The following NXPH1 variants were observed in gnomAD, a reference collection of about 807,000 sequenced individuals.
NXPH1 encodes neurexophilin-1.
A neutral mutation model predicts 23.7 loss-of-function variants in NXPH1; 5 were observed. The ratio of observed to expected loss-of-function variants is 0.21; its 90% CI spans 0.11 to 0.44. The LOEUF (loss-of-function observed/expected upper bound fraction) is 0.44, where lower values mean the gene tolerates loss of function less well. Among genes scored for constraint, NXPH1 ranks in the 20% least tolerant of loss-of-function variants. The probability of loss-of-function intolerance (pLI) is 0.99; values close to 1 mark genes in which losing one functional copy is unlikely to be tolerated. For missense variants in NXPH1, 324 were observed against 321.6 expected (o/e 1.01, Z -0.06); for synonymous variants, 144 against 122.2 (o/e 1.18, Z -1.18).
At chr7:8,711,334 A>G (rs1414168244) in intron 2 of NXPH1, among the ~76,000 whole-genome samples, 1 of 152,230 alleles carries the variant, frequency 6.6e-6, no homozygotes, top group East Asian at 1.9e-4. Context: ...TGGGTTAGAC[A>G]TATTTATTTT....
At chr7:8,700,422 T>C (rs1338095529) in intron 2 of NXPH1, among the ~76,000 whole-genome samples, 2 of 152,150 alleles carry the variant, frequency 1.3e-5, no homozygotes, top group Admixed American at 1.3e-4. Flanking sequence ...ATTTGCTTCT[T>C]AGACAGTTCC....
intron 2 of NXPH1, among the ~76,000 whole-genome samples, chr7:8,569,426 T>A (rs1818607246): frequency 6.6e-6 from 1 of 151,948 alleles, no homozygotes; most frequent in Admixed American, 6.6e-5. Flanking sequence ...TTTAGAGGTA[T>A]TAATTTTGTT....
intron 2 of NXPH1, among the ~76,000 whole-genome samples, chr7:8,466,705 A>G (rs1346571608): frequency 6.6e-6 from 1 of 152,174 alleles, no homozygotes; most frequent in Non-Finnish European, 1.5e-5. Context: ...TAAAAAAGTA[A>G]ATGATCTAAA....
At chr7:8,690,367 A>C (rs1036547742) in intron 2 of NXPH1, 2 of 152,228 alleles carry the variant, frequency 1.3e-5, no homozygotes, top group African/African-American at 4.8e-5. Flanking sequence ...ATTTTTCTCT[A>C]GCCATGGTCT....
chr7:8,633,694 A>G (rs1820170619), intron 2 of NXPH1, among the ~76,000 whole-genome samples: 2 of 152,182 alleles, frequency 1.3e-5, no homozygotes. Flanking sequence ...GAAGACCTGA[A>G]AAAAGAATTC....
intron 2 of NXPH1, among the ~76,000 whole-genome samples, chr7:8,449,865 G>GT (rs1816474449): frequency 6.6e-6 from 1 of 152,214 alleles, no homozygotes; most frequent in South Asian, 2.1e-4. Flanking sequence ...ATTAGATGCA[G>GT]TTTTTATTCT....
intron 2 of NXPH1, among the ~76,000 whole-genome samples, chr7:8,632,769 G>A (rs924980099): frequency 6.6e-6 from 1 of 151,682 alleles, no homozygotes; most frequent in Non-Finnish European, 1.5e-5. Context: ...GTAAAGTAGG[G>A]CTTCTAAGGC....
intron 2 of NXPH1, among the ~76,000 whole-genome samples, chr7:8,710,260 C>T (rs1389810958): frequency 6.6e-6 from 1 of 152,208 alleles, no homozygotes; most frequent in Non-Finnish European, 1.5e-5. Flanking sequence ...CCTGATTCCA[C>T]ACTGTTCAAC....
At chr7:8,528,620 C>G (rs1397660030) in intron 2 of NXPH1, among the ~76,000 whole-genome samples, 1 of 152,190 alleles carries the variant, frequency 6.6e-6, no homozygotes, top group African/African-American at 2.4e-5. Context: ...CTCCCTCATT[C>G]TTCTTTGAAG....
At chr7:8,735,641 G>C (rs557900276) in intron 2 of NXPH1, among the ~76,000 whole-genome samples, 5 of 152,272 alleles carry the variant, frequency 3.3e-5, no homozygotes, top group African/African-American at 1.2e-4. Flanking sequence ...CCAGGATGAT[G>C]CTGGCCTCAT....
Position 8,732,933 on chromosome 7 carries a change from T to G in NXPH1, c.55-18075T>G, listed in dbSNP as rs184732190. ...GGGATACATGTGCAGAGCATGCAGATTTGTTACATAGGTATACATGTGCCA... is the reference window on the plus strand; with the variant it reads ...GGGATACATGTGCAGAGCATGCAGAGTTGTTACATAGGTATACATGTGCCA... On this transcript the variant is annotated intron_variant, in intron 2 of 2. Transcript: ENST00000405863. Among the ~76,000 whole-genome samples the G allele has an allele frequency of 1.2e-4, 19 of 152,296 alleles. No homozygotes were observed. The South Asian group carries it at 1.7e-3, about 13-fold the overall frequency.
At chr7:8,533,028 C>T (rs1817972550) in intron 2 of NXPH1, among the ~76,000 whole-genome samples, 1 of 152,054 alleles carries the variant, frequency 6.6e-6, no homozygotes, top group Non-Finnish European at 1.5e-5. Flanking sequence ...TACATGTATT[C>T]CCTCTTTTTA....
chr7:8,684,527 G>A (rs183331558), intron 2 of NXPH1, among the ~76,000 whole-genome samples: 345 of 152,252 alleles, frequency 2.3e-3, no homozygotes, highest in African/African-American at 7.2e-3. Flanking sequence ...GAAAATGCAC[G>A]TCTCCTGATA....
At chr7:8,655,451 T>TACAC (rs71017603) in intron 2 of NXPH1, among the ~76,000 whole-genome samples, 58,189 of 139,002 alleles carry the variant, frequency 0.42, 12,420 homozygotes, top group Non-Finnish European at 0.43. Context: ...TCTCTCTCTA[T>TACAC]ACACACACAC....
chr7:8,474,722 C>G (rs147742723), intron 2 of NXPH1, among the ~76,000 whole-genome samples: 1 of 152,118 alleles, frequency 6.6e-6, no homozygotes, highest in Non-Finnish European at 1.5e-5. Flanking sequence ...GATCAGTCAC[C>G]TTTTTCTTCT....
At chr7:8,457,500 T>C (rs546422626) in intron 2 of NXPH1, among the ~76,000 whole-genome samples, 13 of 152,168 alleles carry the variant, frequency 8.5e-5, no homozygotes, top group Non-Finnish European at 8.8e-5. Context: ...TACACTTCTT[T>C]TTTTGCCATT....
intron 2 of NXPH1, among the ~76,000 whole-genome samples, chr7:8,561,514 C>A (rs545177741): frequency 1.3e-4 from 20 of 151,702 alleles, no homozygotes; most frequent in African/African-American, 3.6e-4. Context: ...ACCTGAGAGA[C>A]GCCCTGAGAC....
intron 2 of NXPH1, among the ~76,000 whole-genome samples, chr7:8,574,056 G>T (rs1272562802): frequency 6.6e-6 from 1 of 152,002 alleles, no homozygotes; most frequent in Non-Finnish European, 1.5e-5. Context: ...GCTTAATGAT[G>T]TGCCCTGTAA....
intron 2 of NXPH1, among the ~76,000 whole-genome samples, chr7:8,674,888 C>T (rs945308644): frequency 1.2e-4 from 19 of 152,056 alleles, no homozygotes; most frequent in African/African-American, 4.3e-4. Flanking sequence ...ACCTAGAAAC[C>T]GAGGCCAGTA....
Sources: gnomAD v4.1 joint callset for allele counts (sites outside exome capture counted in the v4.1 genomes callset) on GRCh38, gnomAD v4.1.1 for gene constraint, MANE v1.5 for transcripts, NCBI Gene and HGNC (gene_info 2026-07-23, HGNC 2026-07-21) for gene names.